The following C11orf65 variants were observed in gnomAD, a reference collection of about 807,000 sequenced individuals.
The protein encoded by C11orf65 is chromosome 11 open reading frame 65.
In C11orf65, 38 loss-of-function variants were observed where a neutral mutation model predicts 35.3. The ratio of observed to expected loss-of-function variants is 1.08; its 90% CI spans 0.83 to 1.41. C11orf65 has a LOEUF of 1.41. Ranked by LOEUF, C11orf65 falls within the 40% of genes most tolerant of loss-of-function variation. C11orf65 has a pLI of 0.00. For missense variants in C11orf65, 370 were observed against 367.1 expected (o/e 1.01, Z -0.06); for synonymous variants, 105 against 114.4 (o/e 0.92, Z 0.53).
At chr11:108,328,115 A>C (rs2085866561), downstream of C11orf65, among the ~76,000 whole-genome samples, 1 of 152,220 alleles carries the variant, frequency 6.6e-6, no homozygotes. Flanking sequence ...GCCACCCACA[A>C]GTAAAGGCTT....
At chr11:108,411,649 A>G (rs942789700) in intron 3 of C11orf65, among the ~76,000 whole-genome samples, 3 of 152,294 alleles carry the variant, frequency 2.0e-5, no homozygotes, top group African/African-American at 4.8e-5. Context: ...TTTTTGTCTT[A>G]TAAGTACAGA....
chr11:108,445,255 T>C (rs112054862), intron 2 of C11orf65, among the ~76,000 whole-genome samples: 7 of 151,848 alleles, frequency 4.6e-5, no homozygotes, highest in African/African-American at 1.4e-4. Flanking sequence ...TTGAAGAGAG[T>C]AGTGGTTCTC....
chr11:108,421,415 G>C (rs184298329), intron 3 of C11orf65, among the ~76,000 whole-genome samples: 15 of 152,238 alleles, frequency 9.9e-5, no homozygotes, highest in Non-Finnish European at 1.8e-4. Context: ...CAGAACTTTG[G>C]GAGGCCGAGG....
At chr11:108,445,686 A>C (rs1409593338) in intron 2 of C11orf65, among the ~76,000 whole-genome samples, 1 of 152,182 alleles carries the variant, frequency 6.6e-6, no homozygotes, top group Non-Finnish European at 1.5e-5. Flanking sequence ...ACAGAGCAGA[A>C]AAACTGGAAA....
intron 6 of C11orf65, chr11:108,321,387 G>T (rs199587409): frequency 3.1e-6 from 5 of 1,614,188 alleles, no homozygotes. Flanking sequence ...CAGGCCATTG[G>T]AGAGCTGGAA....
chr11:108,449,685 G>A (rs922049206), intron 2 of C11orf65, among the ~76,000 whole-genome samples: 5 of 151,850 alleles, frequency 3.3e-5, no homozygotes, highest in Non-Finnish European at 5.9e-5. Context: ...TAAAAACCCT[G>A]GAAGAAAACC....
intron 6 of C11orf65, chr11:108,312,580 C>T: frequency 9.9e-7 from 1 of 1,010,350 alleles, no homozygotes. Context: ...GTACAGATGC[C>T]ATGTGATTTT....
intron 2 of C11orf65, among the ~76,000 whole-genome samples, chr11:108,460,700 CT>C (rs2093462671): frequency 2.0e-5 from 3 of 151,990 alleles, no homozygotes; most frequent in Non-Finnish European, 4.4e-5. Context: ...ATAATTGTAA[CT>C]TTTTGAAATG....
chr11:108,421,526 G>A (rs2092816834), intron 3 of C11orf65, among the ~76,000 whole-genome samples: 1 of 152,102 alleles, frequency 6.6e-6, no homozygotes, highest in African/African-American at 2.4e-5. Flanking sequence ...GGGCTTGGTG[G>A]TGGCGCCTGT....
chr11:108,387,135 CT>C (rs1420076443), intron 7 of C11orf65, among the ~76,000 whole-genome samples: 2 of 120,788 alleles, frequency 1.7e-5, no homozygotes, highest in Admixed American at 9.0e-5. Context: ...ATTTTCTTTT[CT>C]TTTCTTTCTT....
intron 2 of C11orf65, among the ~76,000 whole-genome samples, chr11:108,460,012 T>C (rs1049820466): frequency 3.9e-5 from 6 of 152,112 alleles, no homozygotes; most frequent in African/African-American, 1.4e-4. Flanking sequence ...TGCTCGGCTA[T>C]AGGGCAAGTT....
intron 2 of C11orf65, chr11:108,353,654 C>G: frequency 1.2e-6 from 1 of 840,710 alleles, no homozygotes; most frequent in East Asian, 2.5e-5. Flanking sequence ...TACTAGTGTT[C>G]ATAGAACGTA....
chr11:108,404,468 T>C (rs1323013164), intron 6 of C11orf65, among the ~76,000 whole-genome samples: 1 of 152,108 alleles, frequency 6.6e-6, no homozygotes, highest in African/African-American at 2.4e-5. Context: ...AGTGCAGTGG[T>C]GCGATCTCTG....
intron 2 of C11orf65, among the ~76,000 whole-genome samples, chr11:108,360,317 C>A (rs1270876754): frequency 3.3e-5 from 5 of 150,236 alleles, no homozygotes; most frequent in African/African-American, 1.2e-4. Context: ...GTTTACCAAA[C>A]AAAAAGAGTC....
chr11:108,462,387 A>AT (rs902046375), intron 1 of C11orf65, among the ~76,000 whole-genome samples: 2 of 152,092 alleles, frequency 1.3e-5, no homozygotes, highest in Non-Finnish European at 1.5e-5. Flanking sequence ...TAATTTGTAT[A>AT]TTTTTTTCTA....
intron 7 of C11orf65, among the ~76,000 whole-genome samples, chr11:108,391,612 C>A (rs2092162503): frequency 6.6e-6 from 1 of 152,180 alleles, no homozygotes; most frequent in South Asian, 2.1e-4. Flanking sequence ...CTCGGGACCT[C>A]AAACAGTCCA....
chr11:108,424,894 C>T (rs565157827), intron 3 of C11orf65, among the ~76,000 whole-genome samples: 9 of 152,258 alleles, frequency 5.9e-5, no homozygotes, highest in Admixed American at 6.5e-5. Context: ...AACACCTGCT[C>T]CTGAATGACT....
chr11:108,376,742 TAAAG>T (rs2091736905), intron 2 of C11orf65, among the ~76,000 whole-genome samples: 1 of 151,110 alleles, frequency 6.6e-6, no homozygotes, highest in Admixed American at 6.6e-5. Context: ...GCAAGACTAA[TAAAG>T]AAAAAAGGAG....
chr11:108,383,188 G>T lies in C11orf65; in HGVS notation c.788-13C>A. The T allele has an allele frequency of 1.3e-6, 2 of 1,562,968 alleles. No homozygotes were observed. Among genetic ancestry groups the T allele is most frequent in the South Asian group, 2.4e-5 (2 of 83,930 alleles). ...TTAAACCTGAATCCTAAAGAGAAGT[G>T]ACAAATGATTAGAAAGATACCAGAT... On this transcript the variant is annotated splice_polypyrimidine_tract_variant and intron_variant, in intron 8 of 8. Transcript: ENST00000393084.
Sources: allele counts gnomAD v4.1 joint callset (sites outside exome capture counted in the v4.1 genomes callset), GRCh38; gene constraint gnomAD v4.1.1; transcripts MANE v1.5; gene names NCBI Gene and HGNC (gene_info 2026-07-23, HGNC 2026-07-21).